GRID2: variants seen among roughly 807,000 people sequenced by gnomAD.
GRID2 encodes glutamate receptor ionotropic, delta-2.
A neutral mutation model predicts 114.8 loss-of-function variants in GRID2; 33 were observed. The ratio of observed to expected loss-of-function variants is 0.29; its 90% CI spans 0.22 to 0.38. The LOEUF is 0.38. Among genes scored for constraint, GRID2 ranks in the 10% least tolerant of loss-of-function variants. GRID2 has a pLI of 1.00. For synonymous variants in GRID2, 505 were observed against 449.9 expected (o/e 1.12, Z -1.55); for missense variants, 1,184 against 1,257.7 (o/e 0.94, Z 0.89).
chr4:93,540,619 T>C (rs1364964401), intron 13 of GRID2, among the ~76,000 whole-genome samples: 1 of 152,106 alleles, frequency 6.6e-6, no homozygotes. Flanking sequence ...TGAGGAAGGG[T>C]AGAAATGTAA....
At chr4:93,162,260 A>C (rs1422661759) in intron 4 of GRID2, among the ~76,000 whole-genome samples, 2 of 152,122 alleles carry the variant, frequency 1.3e-5, no homozygotes, top group South Asian at 2.1e-4. Flanking sequence ...TTAACACTGA[A>C]TATGAAGACA....
At chr4:92,713,468 TAC>T (rs1735362002) in intron 2 of GRID2, among the ~76,000 whole-genome samples, 6 of 84,160 alleles carry the variant, frequency 7.1e-5, no homozygotes, top group African/African-American at 2.7e-4. Context: ...TATTTACATA[TAC>T]ATATACATAT....
intron 14 of GRID2, among the ~76,000 whole-genome samples, chr4:93,718,717 T>TAA (rs1323912383): frequency 6.7e-6 from 1 of 149,650 alleles, no homozygotes; most frequent in African/African-American, 2.4e-5. Flanking sequence ...CTGAATTCTT[T>TAA]AAAAAAAAAA....
chr4:92,883,593 G>T (rs888912444), intron 2 of GRID2, among the ~76,000 whole-genome samples: 2 of 152,154 alleles, frequency 1.3e-5, no homozygotes, highest in Admixed American at 6.5e-5. Context: ...GAGACTGAAA[G>T]TTGAAATTAC....
At chr4:92,343,523 A>T (rs894993235) in intron 1 of GRID2, among the ~76,000 whole-genome samples, 2 of 152,108 alleles carry the variant, frequency 1.3e-5, no homozygotes, top group Non-Finnish European at 2.9e-5. Context: ...CATAAACAGT[A>T]TATATAATGT....
At chr4:93,564,336 T>C (rs1238554826) in intron 13 of GRID2, among the ~76,000 whole-genome samples, 2 of 152,006 alleles carry the variant, frequency 1.3e-5, no homozygotes, top group Non-Finnish European at 2.9e-5. Flanking sequence ...CATTTTCCTT[T>C]CCTATTTCTC....
intron 2 of GRID2, among the ~76,000 whole-genome samples, chr4:93,003,303 A>T (rs1046289241): frequency 6.6e-6 from 1 of 151,940 alleles, no homozygotes; most frequent in South Asian, 2.1e-4. Flanking sequence ...GGTTTAATTG[A>T]TTAATTACTG....
intron 1 of GRID2, among the ~76,000 whole-genome samples, chr4:92,540,388 A>G (rs755239468): frequency 4.9e-4 from 75 of 152,198 alleles, no homozygotes; most frequent in Non-Finnish European, 9.8e-4. Flanking sequence ...AATTTTTGCA[A>G]TCTACTCATC....
chr4:92,512,464 A>G (rs145300346), intron 1 of GRID2, among the ~76,000 whole-genome samples: 1 of 151,966 alleles, frequency 6.6e-6, no homozygotes, highest in Admixed American at 6.6e-5. Context: ...TCAGCCAGTA[A>G]AGAATCTGGA....
intron 1 of GRID2, among the ~76,000 whole-genome samples, chr4:92,482,295 A>G (rs1722654883): frequency 6.6e-6 from 1 of 151,678 alleles, no homozygotes; most frequent in Non-Finnish European, 1.5e-5. Context: ...CTTGGGAACA[A>G]TGGGAGCAAT....
At chr4:93,238,040 TCA>T (rs1164714994) in intron 7 of GRID2, among the ~76,000 whole-genome samples, 8 of 151,786 alleles carry the variant, frequency 5.3e-5, no homozygotes, top group Non-Finnish European at 1.0e-4. Flanking sequence ...ATGGATCCAT[TCA>T]AGTCACAAGG....
intron 8 of GRID2, among the ~76,000 whole-genome samples, chr4:93,382,362 A>G (rs1263468972): frequency 1.3e-5 from 2 of 151,980 alleles, no homozygotes; most frequent in Admixed American, 6.6e-5. Flanking sequence ...TCCATAATGC[A>G]TCTGTTTGTC....
chr4:93,010,445 G>A (rs1026967318), intron 2 of GRID2, among the ~76,000 whole-genome samples: 7 of 151,856 alleles, frequency 4.6e-5, no homozygotes, highest in East Asian at 1.9e-4. Context: ...CAGGAACAGC[G>A]GAATGGAAGA....
intron 2 of GRID2, among the ~76,000 whole-genome samples, chr4:92,774,650 C>T (rs970355308): frequency 2.2e-5 from 3 of 138,536 alleles, no homozygotes; most frequent in Admixed American, 8.1e-5. Flanking sequence ...TGCAGTGGTG[C>T]AGTGGTGCAA....
intron 2 of GRID2, among the ~76,000 whole-genome samples, chr4:92,593,011 G>A (rs1224926147): frequency 6.6e-6 from 1 of 151,930 alleles, no homozygotes; most frequent in African/African-American, 2.4e-5. Flanking sequence ...ATGCAAACTT[G>A]TATTGAGAGG....
intron 2 of GRID2, among the ~76,000 whole-genome samples, chr4:92,765,956 T>G (rs184197891): frequency 1.3e-5 from 2 of 152,158 alleles, no homozygotes; most frequent in Admixed American, 1.3e-4. Flanking sequence ...TATTTTGATA[T>G]ACACTTCTGT....
intron 8 of GRID2, among the ~76,000 whole-genome samples, chr4:93,345,767 T>C (rs1182347675): frequency 1.3e-5 from 2 of 152,158 alleles, no homozygotes; most frequent in Non-Finnish European, 2.9e-5. Context: ...AGTAGTTTTA[T>C]AGTTTCAGAT....
chr4:93,719,611 A>T (rs1010510608), intron 14 of GRID2, among the ~76,000 whole-genome samples: 2 of 152,168 alleles, frequency 1.3e-5, no homozygotes, highest in African/African-American at 4.8e-5. Context: ...ATCCATAGGG[A>T]AATTGAGTTT....
intron 2 of GRID2, among the ~76,000 whole-genome samples, chr4:92,735,730 C>T (rs1319084804): frequency 6.6e-6 from 1 of 151,926 alleles, no homozygotes; most frequent in Non-Finnish European, 1.5e-5. Context: ...TTGCATGAAA[C>T]TCACTAGCTT....
Sources: allele counts gnomAD v4.1 joint callset (sites outside exome capture counted in the v4.1 genomes callset), GRCh38; gene constraint gnomAD v4.1.1; transcripts MANE v1.5; gene names NCBI Gene and HGNC (gene_info 2026-07-23, HGNC 2026-07-21).